UTRN: variants seen among roughly 807,000 people sequenced by gnomAD.
UTRN encodes utrophin.
In UTRN, 283 loss-of-function variants were observed where a neutral mutation model predicts 463.9. The observed-to-expected ratio is 0.61, with a 90% CI of 0.55 to 0.67. UTRN has a LOEUF of 0.67. UTRN is among the 30% of genes least tolerant of loss of function. The pLI is 0.00. For missense variants in UTRN, 3,922 were observed against 4,084.3 expected, an observed-to-expected ratio of 0.96 and a Z score of 1.08; for synonymous variants, 1,442 against 1,431.5, an observed-to-expected ratio of 1.01 and a Z score of -0.17.
intron 69 of UTRN, among the ~76,000 whole-genome samples, chr6:144,833,726 G>A (rs773945123): frequency 2.0e-5 from 3 of 152,150 alleles, no homozygotes; most frequent in Admixed American, 6.5e-5. Context: ...GGTGCCTCCA[G>A]GCATCGCTGA....
chr6:144,448,744 CA>C lies in UTRN; in HGVS notation c.2048del (p.His683LeufsTer13). ...TCCTCCCCCAAAGAAGAGACAGATC[CA>C]TGTGGATATTGAAGCTAAGAAAAAG... ...PPPPPKKRQI[H>X]VDIEAKKKFD... On this transcript the variant is annotated frameshift_variant, in exon 17 of 75. Coordinates refer to ENST00000367545, the MANE Select transcript of UTRN (RefSeq NM_007124.3). LOFTEE classifies it high-confidence loss of function. The C allele has an allele frequency of 6.2e-7, 1 of 1,613,620 alleles. No individual in the cohort carries two copies. Among genetic ancestry groups the C allele is most frequent in the Non-Finnish European group, 8.5e-7 (1 of 1,179,854 alleles).
chr6:144,743,911 G>A (rs1455504424), intron 54 of UTRN, among the ~76,000 whole-genome samples: 1 of 150,944 alleles, frequency 6.6e-6, no homozygotes, highest in Non-Finnish European at 1.5e-5. Context: ...AAATAAATTG[G>A]TGTTTAAAAA....
chr6:144,469,924 C>A (rs1445641232), intron 23 of UTRN, among the ~76,000 whole-genome samples: 1 of 152,038 alleles, frequency 6.6e-6, no homozygotes, highest in African/African-American at 2.4e-5. Context: ...ATGCTGCCTT[C>A]AAGCATCTGT....
At position 144,539,448 on chromosome 6, in the gene UTRN, G is replaced by C; in HGVS notation, c.6519+5G>C. 1 of 1,581,810 alleles carries C rather than the reference G, an allele frequency of 6.3e-7. No individual in the cohort carries two copies. The highest frequency in any genetic ancestry group is 1.2e-5 in the South Asian group (1 of 85,596). ...GTAAATATGACATGGAATAAGGTGT[G>C]TGTAAAGTTACTATCACACATTTCT... On this transcript the variant is annotated splice_donor_5th_base_variant and intron_variant, in intron 45 of 74. Coordinates refer to ENST00000367545, the MANE Select transcript of UTRN (RefSeq NM_007124.3).
intron 68 of UTRN, 71 bp downstream of exon 68, chr6:144,827,747 A>T (rs758898279): frequency 6.1e-6 from 9 of 1,484,180 alleles, no homozygotes; most frequent in Non-Finnish European, 8.3e-6. Context: ...TTAATCTAAT[A>T]TCATTAATAT....
At chr6:144,782,160 T>C in intron 61 of UTRN, 37 bp downstream of exon 61, 1 of 1,504,172 alleles carries the variant, frequency 6.6e-7, no homozygotes, top group Non-Finnish European at 9.1e-7. Context: ...ATACGATCAC[T>C]GAATGAAATA....
chr6:144,301,536 CT>C (rs200484231), intron 2 of UTRN, among the ~76,000 whole-genome samples: 1,197 of 92,756 alleles, frequency 0.013, 2 homozygotes, highest in Non-Finnish European at 0.02. Flanking sequence ...TTCTTTCTTT[CT>C]TTTTTTTTTT....
At chr6:144,327,951 C>A (rs528040127) in intron 2 of UTRN, among the ~76,000 whole-genome samples, 1 of 150,928 alleles carries the variant, frequency 6.6e-6, no homozygotes, top group South Asian at 2.1e-4. Flanking sequence ...TCTCAAAACA[C>A]AAAACAAAAC....
At position 144,782,143 on chromosome 6, in the gene UTRN, C is replaced by T. The variant is rs1295155716; in HGVS notation, c.8834+20C>T. The T allele has an allele frequency of 1.3e-6, 2 of 1,540,418 alleles. No individual in the cohort carries two copies. Among genetic ancestry groups the T allele is most frequent in the Admixed American group, 1.8e-5 (1 of 55,432 alleles). On this transcript the variant is annotated intron_variant, in intron 61 of 74. Coordinates refer to ENST00000367545, the MANE Select transcript of UTRN (RefSeq NM_007124.3). ...TGACACGTAAGTTTATATTTTTTCT[C>T]ATTAAAATACGATCACTGAATGAAA...
chr6:144,623,037 A>G (rs149265797), intron 51 of UTRN, among the ~76,000 whole-genome samples: 54 of 152,344 alleles, frequency 3.5e-4, no homozygotes, highest in African/African-American at 1.3e-3. Flanking sequence ...TTCTTCCAGA[A>G]AATTATAAAG....
At chr6:144,542,989 A>G (rs544942898) in intron 46 of UTRN, 119 bp downstream of exon 46, 1 of 816,418 alleles carries the variant, frequency 1.2e-6, no homozygotes, top group African/African-American at 1.7e-5. Context: ...TCTTTATTTA[A>G]TCTACTTTCA....
chr6:144,776,963 G>C lies in UTRN; in HGVS notation c.8632+2599G>C, dbSNP rs118136697. ...GTTTTCTATGGCTCCTCATAGAACTGTTCTTTTCCTTACATGACACTTCTG... is the reference window on the plus strand; with the variant it reads ...GTTTTCTATGGCTCCTCATAGAACTCTTCTTTTCCTTACATGACACTTCTG... On this transcript the variant is annotated intron_variant, in intron 60 of 74. Coordinates refer to ENST00000367545, the MANE Select transcript of UTRN (RefSeq NM_007124.3). 5.3e-3 allele frequency among the ~76,000 whole-genome samples: 809 copies of C among 152,246 alleles called. 5 individuals are homozygous for C. The highest frequency in any genetic ancestry group is 9.7e-3 in the Non-Finnish European group (659 of 68,014).
intron 2 of UTRN, among the ~76,000 whole-genome samples, chr6:144,369,338 G>A (rs1273212026): frequency 6.6e-6 from 1 of 152,174 alleles, no homozygotes; most frequent in Non-Finnish European, 1.5e-5. Context: ...TATAACCTGG[G>A]CTGGGCATGG....
At chr6:144,665,507 T>C (rs1255607453) in intron 51 of UTRN, among the ~76,000 whole-genome samples, 1 of 152,194 alleles carries the variant, frequency 6.6e-6, no homozygotes, top group Non-Finnish European at 1.5e-5. Context: ...TTATAAAGTG[T>C]TTACAGTTAT....
intron 50 of UTRN, among the ~76,000 whole-genome samples, chr6:144,572,950 C>T (rs937965992): frequency 6.6e-6 from 1 of 152,140 alleles, no homozygotes; most frequent in African/African-American, 2.4e-5. Context: ...ATTTCTGGTT[C>T]TAGATCCTTG....
At chr6:144,696,240 T>C (rs1275786259) in intron 52 of UTRN, among the ~76,000 whole-genome samples, 2 of 152,120 alleles carry the variant, frequency 1.3e-5, no homozygotes, top group African/African-American at 4.8e-5. Flanking sequence ...GGAACTGCTC[T>C]CTTTTTTTTC....
intron 2 of UTRN, among the ~76,000 whole-genome samples, chr6:144,394,644 A>T (rs529765966): frequency 3.9e-5 from 6 of 152,202 alleles, no homozygotes; most frequent in Admixed American, 6.5e-5. Flanking sequence ...CATTAGCTCT[A>T]TAGAAAACAT....
chr6:144,516,353 A>G lies in UTRN; in HGVS notation c.5369A>G (p.Glu1790Gly), dbSNP rs1168897946. The G allele has an allele frequency of 4.3e-6, 7 of 1,613,630 alleles. No individual in the cohort carries two copies. The highest frequency in any genetic ancestry group is 2.2e-5 in the South Asian group (2 of 91,036). The part of the protein sequence containing the change: ...NDIENMLKFV[E>G]KHLESSDEDE... ...ATAGAAAATATGTTAAAATTTGTGGAAAAACACTTGGAATCCAGTGATGAA... is the reference window on the plus strand; with the variant it reads ...ATAGAAAATATGTTAAAATTTGTGGGAAAACACTTGGAATCCAGTGATGAA... The change falls in exon 38 of 75, where the codon GAA (glutamate) becomes GGA (glycine). Residue 1790 changes from glutamate to glycine, a missense_variant. Transcript: ENST00000367545.
At chr6:144,498,832 T>G (rs1477065480) in intron 33 of UTRN, among the ~76,000 whole-genome samples, 3 of 152,088 alleles carry the variant, frequency 2.0e-5, no homozygotes, top group African/African-American at 7.2e-5. Flanking sequence ...TTTTTGTATT[T>G]TTTACAAAAT....
Sources: gnomAD v4.1 joint callset for allele counts (sites outside exome capture counted in the v4.1 genomes callset) on GRCh38, gnomAD v4.1.1 for gene constraint, MANE v1.5 for transcripts, NCBI Gene and HGNC (gene_info 2026-07-23, HGNC 2026-07-21) for gene names.